Variants in PPP1R16B observed in about 807,000 individuals in gnomAD.
PPP1R16B encodes the protein protein phosphatase 1 regulatory subunit 16B.
In PPP1R16B, 14 loss-of-function variants were observed where a neutral mutation model predicts 61.7. That is an observed-to-expected ratio of 0.23 (90% CI 0.15 to 0.35). The LOEUF (loss-of-function observed/expected upper bound fraction) is 0.35, where lower values mean the gene tolerates loss of function less well. PPP1R16B is among the 10% of genes least tolerant of loss of function. PPP1R16B has a pLI of 1.00. For missense variants in PPP1R16B, 547 were observed against 752.5 expected (o/e 0.73, Z 3.19); for synonymous variants, 266 against 305.3 (o/e 0.87, Z 1.34).
intron 2 of PPP1R16B, among the ~76,000 whole-genome samples, chr20:38,874,825 T>C (rs1331413812): frequency 6.6e-6 from 1 of 152,128 alleles, no homozygotes; most frequent in Non-Finnish European, 1.5e-5. Flanking sequence ...ACCAGCTGAG[T>C]AGATTGGGGC....
chr20:38,826,332 A>C (rs1043204517), intron 1 of PPP1R16B, among the ~76,000 whole-genome samples: 5 of 152,212 alleles, frequency 3.3e-5, no homozygotes, highest in Non-Finnish European at 7.3e-5. Flanking sequence ...TAGCACCGTG[A>C]CTGTGACTGA....
intron 2 of PPP1R16B, among the ~76,000 whole-genome samples, chr20:38,855,174 C>T (rs902252545): frequency 6.6e-6 from 1 of 152,114 alleles, no homozygotes. Flanking sequence ...TGGTGCCCAG[C>T]TTTTCCTGGT....
At chr20:38,896,055 CT>C in intron 4 of PPP1R16B, among the ~76,000 whole-genome samples, 1 of 135,668 alleles carries the variant, frequency 7.4e-6, no homozygotes, top group Non-Finnish European at 1.5e-5. Context: ...TTCTCCCTTC[CT>C]CCCTTCCTTT....
chr20:38,894,124 A>ACCCCCGCC (rs2085314487), intron 3 of PPP1R16B, among the ~76,000 whole-genome samples: 1 of 90,414 alleles, frequency 1.1e-5, no homozygotes, highest in Non-Finnish European at 2.2e-5. Context: ...GCACCCCCGC[A>ACCCCCGCC]CCCCCGCCCC....
At chr20:38,908,448 A>G (rs2085464242) in intron 10 of PPP1R16B, among the ~76,000 whole-genome samples, 1 of 152,238 alleles carries the variant, frequency 6.6e-6, no homozygotes, top group Non-Finnish European at 1.5e-5. Flanking sequence ...TTTGGCACAC[A>G]GGTAGGTCTC....
intron 2 of PPP1R16B, among the ~76,000 whole-genome samples, chr20:38,841,921 T>C (rs1178265827): frequency 6.6e-6 from 1 of 152,228 alleles, no homozygotes; most frequent in Non-Finnish European, 1.5e-5. Context: ...TGTGGATATA[T>C]GTTTTCATTT....
At chr20:38,811,153 T>A (rs1249484662) in intron 1 of PPP1R16B, among the ~76,000 whole-genome samples, 1 of 67,384 alleles carries the variant, frequency 1.5e-5, no homozygotes, top group Non-Finnish European at 3.0e-5. Context: ...GCAGCTTGAT[T>A]GATGTGGCAA....
chr20:38,875,034 G>A (rs2085156593), intron 2 of PPP1R16B, among the ~76,000 whole-genome samples: 1 of 152,210 alleles, frequency 6.6e-6, no homozygotes, highest in South Asian at 2.1e-4. Flanking sequence ...ATGCTGATAT[G>A]CATCTGCTGT....
intron 10 of PPP1R16B, among the ~76,000 whole-genome samples, chr20:38,915,047 A>C (rs1170708932): frequency 1.3e-5 from 2 of 152,124 alleles, no homozygotes; most frequent in African/African-American, 2.4e-5. Flanking sequence ...TGGAAAGTAC[A>C]GATATTTCCC....
At chr20:38,915,775 C>T (rs2085531377) in intron 10 of PPP1R16B, among the ~76,000 whole-genome samples, 1 of 152,062 alleles carries the variant, frequency 6.6e-6, no homozygotes, top group South Asian at 2.1e-4. Flanking sequence ...TAAGCGTGAG[C>T]CACCACGCTC....
At chr20:38,862,149 C>A (rs2085056260) in intron 2 of PPP1R16B, among the ~76,000 whole-genome samples, 1 of 152,202 alleles carries the variant, frequency 6.6e-6, no homozygotes, top group South Asian at 2.1e-4. Flanking sequence ...AGGGGCAGGG[C>A]ATGCTGGGCT....
intron 2 of PPP1R16B, among the ~76,000 whole-genome samples, chr20:38,881,000 C>G (rs940449836): frequency 2.6e-5 from 4 of 152,180 alleles, no homozygotes; most frequent in African/African-American, 7.2e-5. Context: ...TTGAATGGGC[C>G]AAGAGTGATA....
At chr20:38,868,671 A>G (rs1479101874) in intron 2 of PPP1R16B, among the ~76,000 whole-genome samples, 1 of 152,134 alleles carries the variant, frequency 6.6e-6, no homozygotes, top group African/African-American at 2.4e-5. Flanking sequence ...AAACTAATAT[A>G]TGTTATCACA....
intron 2 of PPP1R16B, among the ~76,000 whole-genome samples, chr20:38,875,970 CTTT>C (rs34445273): frequency 1.9e-5 from 2 of 104,154 alleles, no homozygotes; most frequent in African/African-American, 4.0e-5. Context: ...TGGTTTTGAA[CTTT>C]TTTTTTTTTT....
intron 2 of PPP1R16B, among the ~76,000 whole-genome samples, chr20:38,866,448 G>C (rs1306653706): frequency 6.6e-6 from 1 of 152,230 alleles, no homozygotes; most frequent in Non-Finnish European, 1.5e-5. Flanking sequence ...GCCCCGGAAG[G>C]TGCGTTGACA....
intron 2 of PPP1R16B, among the ~76,000 whole-genome samples, chr20:38,869,970 C>T (rs1216011208): frequency 6.6e-6 from 1 of 151,890 alleles, no homozygotes; most frequent in Non-Finnish European, 1.5e-5. Flanking sequence ...GTCGCCCAGG[C>T]TGGAACACAG....
At chr20:38,822,504 C>G (rs1048484053) in intron 1 of PPP1R16B, among the ~76,000 whole-genome samples, 1 of 104,208 alleles carries the variant, frequency 9.6e-6, no homozygotes, top group African/African-American at 3.6e-5. Context: ...GCCTTCCAAT[C>G]TTTTTTTTTT....
At chr20:38,886,964 G>A (rs577907003) in intron 2 of PPP1R16B, among the ~76,000 whole-genome samples, 1 of 152,348 alleles carries the variant, frequency 6.6e-6, no homozygotes, top group East Asian at 1.9e-4. Context: ...TGACAAGGCT[G>A]TAAATGAGAT....
At chr20:38,860,134 A>G (rs561028443) in intron 2 of PPP1R16B, among the ~76,000 whole-genome samples, 55 of 152,262 alleles carry the variant, frequency 3.6e-4, no homozygotes, top group African/African-American at 1.3e-3. Flanking sequence ...ATGCCCAGCT[A>G]ATTTTGTATT....
Sources: gnomAD v4.1 joint callset for allele counts (sites outside exome capture counted in the v4.1 genomes callset) on GRCh38, gnomAD v4.1.1 for gene constraint, MANE v1.5 for transcripts, NCBI Gene and HGNC (gene_info 2026-07-23, HGNC 2026-07-21) for gene names.